Variants in LRP1B observed in about 807,000 individuals in gnomAD.
LRP1B encodes LDL receptor related protein 1B, also known as low-density lipoprotein receptor-related protein 1B.
LRP1B carries 217 observed loss-of-function variants against 556.6 expected under a neutral mutation model. That is an observed-to-expected ratio of 0.39 (90% CI 0.35 to 0.44). The LOEUF is 0.44. Ranked by LOEUF, LRP1B falls within the 20% of genes least tolerant of loss-of-function variation. The pLI is 1.00. For synonymous variants in LRP1B, 2,047 were observed against 1,865.8 expected, an observed-to-expected ratio of 1.10 and a Z score of -2.50; for missense variants, 5,053 against 5,620.8, an observed-to-expected ratio of 0.90 and a Z score of 3.23.
At chr2:141,316,529 CA>C (rs1389462264) in intron 3 of LRP1B, among the ~76,000 whole-genome samples, 7 of 151,984 alleles carry the variant, frequency 4.6e-5, no homozygotes, top group Non-Finnish European at 1.0e-4. Flanking sequence ...AAGCCAAGGG[CA>C]CAAAGGAGGT....
chr2:140,514,787 A>T lies in LRP1B; in HGVS notation c.8150-15T>A, dbSNP rs201826290. The T allele has an allele frequency of 1.9e-3, 3,033 of 1,602,064 alleles. 7 individuals are homozygous for T. The highest frequency in any genetic ancestry group is 6.3e-3 in the Middle Eastern group (38 of 5,992). ...GCAAGAAGAATCTAGGAAACAAACA[A>T]AAGGAAAAAAAAAAATAGTTTGAGA... On this transcript the variant is annotated splice_polypyrimidine_tract_variant and intron_variant, in intron 50 of 90. Transcript: ENST00000389484.
At chr2:140,912,215 T>C (rs949185407) in intron 21 of LRP1B, among the ~76,000 whole-genome samples, 3 of 151,676 alleles carry the variant, frequency 2.0e-5, no homozygotes, top group Admixed American at 6.6e-5. Flanking sequence ...GCACATGAAT[T>C]AGGTAAAACC....
At chr2:142,080,456 T>C (rs551441140) in intron 1 of LRP1B, among the ~76,000 whole-genome samples, 4 of 152,300 alleles carry the variant, frequency 2.6e-5, no homozygotes, top group African/African-American at 7.2e-5. Flanking sequence ...TTTCGGTCTT[T>C]GTCTTTAAAT....
chr2:141,980,542 G>A (rs1356458480), intron 1 of LRP1B, among the ~76,000 whole-genome samples: 1 of 152,066 alleles, frequency 6.6e-6, no homozygotes, highest in East Asian at 1.9e-4. Flanking sequence ...GACATTCAGT[G>A]GAGAAACTGG....
intron 35 of LRP1B, among the ~76,000 whole-genome samples, chr2:140,728,419 T>A (rs1160390831): frequency 6.6e-6 from 1 of 152,174 alleles, no homozygotes; most frequent in Non-Finnish European, 1.5e-5. Flanking sequence ...AGGAGAAATT[T>A]TTTTATTTTA....
chr2:141,141,836 A>G (rs775956545), intron 7 of LRP1B, among the ~76,000 whole-genome samples: 17 of 152,196 alleles, frequency 1.1e-4, no homozygotes, highest in Non-Finnish European at 2.1e-4. Flanking sequence ...GGCAATCTGT[A>G]TGTGAAAAAA....
intron 1 of LRP1B, among the ~76,000 whole-genome samples, chr2:141,837,045 G>C (rs541562176): frequency 6.6e-6 from 1 of 152,092 alleles, no homozygotes; most frequent in South Asian, 2.1e-4. Context: ...GGAGGTGTTA[G>C]AGGGTTAATC....
chr2:140,493,313 T>C (rs1688782428), intron 56 of LRP1B, among the ~76,000 whole-genome samples: 1 of 152,154 alleles, frequency 6.6e-6, no homozygotes, highest in Admixed American at 6.5e-5. Context: ...TCTTTTAGTA[T>C]CTCATTTACT....
chr2:141,650,900 G>C (rs990992144), intron 2 of LRP1B, among the ~76,000 whole-genome samples: 2 of 152,008 alleles, frequency 1.3e-5, no homozygotes, highest in Non-Finnish European at 2.9e-5. Context: ...TGATATGTTT[G>C]TTCATTTTTC....
intron 43 of LRP1B, among the ~76,000 whole-genome samples, chr2:140,592,819 A>G (rs1355197222): frequency 6.6e-6 from 1 of 152,108 alleles, no homozygotes; most frequent in Non-Finnish European, 1.5e-5. Context: ...TCAGGCTTGT[A>G]GTCCCAACTA....
chr2:141,475,805 A>G (rs2105079562), intron 3 of LRP1B, among the ~76,000 whole-genome samples: 1 of 152,240 alleles, frequency 6.6e-6, no homozygotes, highest in South Asian at 2.1e-4. Flanking sequence ...CCGAACTCCA[A>G]GGGAAGATCA....
Position 140,533,884 on chromosome 2 carries a change from C to G in LRP1B, c.7762+137G>C, listed in dbSNP as rs372006083. The G allele has an allele frequency of 2.5e-5, 21 of 855,712 alleles. No homozygotes were observed. The African/African-American group carries it at 3.5e-4, about 14-fold the overall frequency. The allele number at this position is 855,712 out of a possible 1,614,324, so 53.0% of individuals were successfully genotyped here. A position where few individuals can be genotyped will look rare whatever the true frequency, so the allele number is the denominator to read the frequency against. On this transcript the variant is annotated intron_variant, in intron 47 of 90. Coordinates refer to ENST00000389484, the MANE Select transcript of LRP1B (RefSeq NM_018557.3). ...TCAAGTAACTTTAGCAACTCCATTC[C>G]AACAGCATTTACCAAAGTGTGATCC...
At chr2:141,412,309 C>G (rs2104945015) in intron 3 of LRP1B, among the ~76,000 whole-genome samples, 1 of 152,296 alleles carries the variant, frequency 6.6e-6, no homozygotes, top group South Asian at 2.1e-4. Flanking sequence ...CACTGGGGTT[C>G]CACAGTAGGA....
At chr2:140,844,447 A>G (rs528004109) in intron 29 of LRP1B, among the ~76,000 whole-genome samples, 1 of 151,008 alleles carries the variant, frequency 6.6e-6, no homozygotes, top group African/African-American at 2.4e-5. Context: ...CTAAAAGAAT[A>G]CTCTTCTTTT....
chr2:140,445,684 C>T (rs907155842), intron 63 of LRP1B, among the ~76,000 whole-genome samples: 1 of 152,136 alleles, frequency 6.6e-6, no homozygotes, highest in Non-Finnish European at 1.5e-5. Context: ...GACCCCTTCA[C>T]ATACAGTTAC....
intron 43 of LRP1B, among the ~76,000 whole-genome samples, chr2:140,588,422 CAG>C (rs1258228119): frequency 3.9e-5 from 6 of 152,102 alleles, no homozygotes; most frequent in Non-Finnish European, 7.4e-5. Flanking sequence ...AAAAGTTAGA[CAG>C]AGAATATACC....
At chr2:141,187,433 G>A (rs78697451) in intron 7 of LRP1B, among the ~76,000 whole-genome samples, 1 of 151,992 alleles carries the variant, frequency 6.6e-6, no homozygotes, top group African/African-American at 2.4e-5. Context: ...TTTAGGATAT[G>A]TTCCATCAGA....
At chr2:140,295,358 T>C (rs1277214859) in intron 84 of LRP1B, among the ~76,000 whole-genome samples, 1 of 152,170 alleles carries the variant, frequency 6.6e-6, no homozygotes, top group Non-Finnish European at 1.5e-5. Context: ...ATGATAAGAA[T>C]AAACAATTGG....
chr2:140,691,432 T>C (rs1686237652), intron 41 of LRP1B, among the ~76,000 whole-genome samples: 1 of 146,142 alleles, frequency 6.8e-6, no homozygotes, highest in Non-Finnish European at 1.5e-5. Context: ...GCCAACATCA[T>C]GCAATCCAGG....
Sources: gnomAD v4.1 joint callset for allele counts (sites outside exome capture counted in the v4.1 genomes callset) on GRCh38, gnomAD v4.1.1 for gene constraint, MANE v1.5 for transcripts, NCBI Gene and HGNC (gene_info 2026-07-23, HGNC 2026-07-21) for gene names.